The following SCN2A variants were observed in gnomAD, a reference collection of about 807,000 sequenced individuals.
SCN2A encodes the protein sodium channel protein type 2 subunit alpha.
Under a neutral mutation model 188.7 loss-of-function variants are expected in SCN2A, and 20 were observed. The ratio of observed to expected loss-of-function variants is 0.11; its 90% CI spans 0.07 to 0.15. The LOEUF (loss-of-function observed/expected upper bound fraction) is 0.15, where lower values mean the gene tolerates loss of function less well. Ranked by LOEUF, SCN2A falls within the 10% of genes least tolerant of loss-of-function variation. The pLI, the probability that SCN2A is intolerant of heterozygous loss-of-function variation, is 1.00. For missense variants in SCN2A, 1,278 were observed against 2,445.0 expected (o/e 0.52, Z 10.07); for synonymous variants, 804 against 833.1 (o/e 0.97, Z 0.60).
intron 23 of SCN2A, among the ~76,000 whole-genome samples, chr2:165,379,500 C>T (rs1001035972): frequency 7.3e-5 from 11 of 151,640 alleles, no homozygotes; most frequent in African/African-American, 2.7e-4. Context: ...AAGGGTACAC[C>T]AAGGGTTTCT....
rs1698364823 is a variant in SCN2A, at chr2:165,326,461, A to G, written c.2017-391A>G. On this transcript the variant is annotated intron_variant, in intron 12 of 26. Transcript: ENST00000375437. ...TTCAAACCTTTTTGTTCATATATTA[A>G]ACTACCTGAATATATGTCTATAAAG... 2.0e-5 allele frequency among the ~76,000 whole-genome samples: 3 copies of G among 152,212 alleles called. No individual in the cohort carries two copies. The South Asian group carries it at 6.2e-4, about 32-fold the overall frequency.
At chr2:165,312,583 C>T (rs1035450334) in intron 8 of SCN2A, among the ~76,000 whole-genome samples, 10 of 151,922 alleles carry the variant, frequency 6.6e-5, no homozygotes, top group Admixed American at 2.0e-4. Flanking sequence ...TTCTTCTTGC[C>T]TTCGTTTCCT....
intron 3 of SCN2A, among the ~76,000 whole-genome samples, chr2:165,304,852 ACT>A (rs1697031471): frequency 6.6e-6 from 1 of 152,226 alleles, no homozygotes; most frequent in Non-Finnish European, 1.5e-5. Context: ...TAGCGTCTTG[ACT>A]CTGTGTTAAG....
chr2:165,306,504 T>TTGTG (rs10524719), intron 3 of SCN2A, among the ~76,000 whole-genome samples: 91 of 147,426 alleles, frequency 6.2e-4, no homozygotes, highest in Admixed American at 1.5e-3. Flanking sequence ...AAATGGTATT[T>TTGTG]TGTGTGTGTG....
intron 17 of SCN2A, among the ~76,000 whole-genome samples, chr2:165,357,013 C>G (rs1700214615): frequency 2.0e-5 from 3 of 152,114 alleles, no homozygotes; most frequent in African/African-American, 7.2e-5. Flanking sequence ...TGGAGTCCTT[C>G]CAATACCTTC....
chr2:165,247,493 C>A (rs1693897891), intron 1 of SCN2A, among the ~76,000 whole-genome samples: 1 of 152,258 alleles, frequency 6.6e-6, no homozygotes, highest in African/African-American at 2.4e-5. Flanking sequence ...TCTTACTTGA[C>A]CATCCAGCAA....
chr2:165,282,890 G>T (rs188385352), intron 1 of SCN2A, among the ~76,000 whole-genome samples: 82 of 152,288 alleles, frequency 5.4e-4, no homozygotes, highest in Non-Finnish European at 1.0e-3. Context: ...GTCACTAGAG[G>T]TTATGACATA....
At chr2:165,376,319 T>A (rs963272213) in intron 22 of SCN2A, among the ~76,000 whole-genome samples, 4 of 152,032 alleles carry the variant, frequency 2.6e-5, no homozygotes, top group African/African-American at 9.6e-5. Flanking sequence ...CATTTTTATT[T>A]GTCAATTAAA....
intron 16 of SCN2A, 33 bp from the exon 17 acceptor site, chr2:165,354,158 GT>G (rs762773061): frequency 7.4e-6 from 12 of 1,612,570 alleles, no homozygotes; most frequent in Non-Finnish European, 9.3e-6. Flanking sequence ...GCAATAGAAT[GT>G]TTTGATCACC....
chr2:165,378,753 C>A (rs1165687835), intron 23 of SCN2A, among the ~76,000 whole-genome samples: 1 of 150,566 alleles, frequency 6.6e-6, no homozygotes, highest in Non-Finnish European at 1.5e-5. Flanking sequence ...AATAACTTAG[C>A]AGACCTTTTC....
intron 1 of SCN2A, chr2:165,273,472 A>G (rs916667201): frequency 6.6e-6 from 1 of 152,150 alleles, no homozygotes; most frequent in Non-Finnish European, 1.5e-5. Context: ...CACACTCAAG[A>G]TCTTTTTTAT....
rs587781154 is a variant in SCN2A, at chr2:165,313,722, T to C, written c.1137T>C (p.Arg379=). ...GTTGGGCCTTTTTGTCCTTATTTCGTCTCATGACTCAAGACTTCTGGGAAA... is the reference window on the plus strand; with the variant it reads ...GTTGGGCCTTTTTGTCCTTATTTCGCCTCATGACTCAAGACTTCTGGGAAA... ...TFSWAFLSLF[R]LMTQDFWENL... The change falls in exon 9 of 27, where the codon CGT becomes CGC. Residue 379 remains arginine, a synonymous_variant. Transcript: ENST00000375437. 9.3e-6 allele frequency: 15 copies of C among 1,613,576 alleles called. No individual in the cohort carries two copies. The highest frequency in any genetic ancestry group is 1.3e-5 in the Non-Finnish European group (15 of 1,179,680).
At chr2:165,268,232 A>G (rs1029685000) in intron 1 of SCN2A, 4 of 151,998 alleles carry the variant, frequency 2.6e-5, no homozygotes, top group African/African-American at 9.7e-5. Flanking sequence ...AGGACACAAG[A>G]AAAAAGAAAA....
chr2:165,311,361 T>C (rs1365675805), intron 7 of SCN2A, among the ~76,000 whole-genome samples: 1 of 152,140 alleles, frequency 6.6e-6, no homozygotes, highest in Non-Finnish European at 1.5e-5. Flanking sequence ...TGAAGTTATA[T>C]GTCATGCCTT....
chr2:165,335,938 T>TTGAATAGA (rs1698964696), intron 14 of SCN2A, among the ~76,000 whole-genome samples: 1 of 151,804 alleles, frequency 6.6e-6, no homozygotes, highest in Non-Finnish European at 1.5e-5. Context: ...ATCAAAATAT[T>TTGAATAGA]TGAATAGACA....
intron 1 of SCN2A, among the ~76,000 whole-genome samples, chr2:165,289,158 A>T (rs1695985621): frequency 6.6e-6 from 1 of 152,060 alleles, no homozygotes; most frequent in South Asian, 2.1e-4. Flanking sequence ...ATTTATTTCT[A>T]GAGCATGTAT....
chr2:165,327,131 C>A, intron 13 of SCN2A, 147 bp downstream of exon 13: 2 of 1,010,862 alleles, frequency 2.0e-6, no homozygotes, highest in Non-Finnish European at 3.0e-6. Context: ...GTGCATAACT[C>A]ATGGATTCTA....
chr2:165,324,699 A>G (rs569579530), intron 12 of SCN2A, among the ~76,000 whole-genome samples: 1 of 152,316 alleles, frequency 6.6e-6, no homozygotes, highest in East Asian at 1.9e-4. Context: ...ACCCTTTTTG[A>G]TAGTTAGTAA....
At chr2:165,386,697 G>T (rs986822000) in intron 25 of SCN2A, 49 bp from the exon 26 acceptor site, 11 of 1,563,012 alleles carry the variant, frequency 7.0e-6, no homozygotes, top group South Asian at 2.3e-5. Flanking sequence ...AATTGAATTC[G>T]ATTTTTTTTA....
Sources: allele counts gnomAD v4.1 joint callset (sites outside exome capture counted in the v4.1 genomes callset), GRCh38; gene constraint gnomAD v4.1.1; transcripts MANE v1.5; gene names NCBI Gene and HGNC (gene_info 2026-07-23, HGNC 2026-07-21).